The following TLN2 variants were observed in gnomAD, a reference collection of about 807,000 sequenced individuals.
The protein encoded by TLN2 is talin 2, also known as talin-2.
TLN2 carries 118 observed loss-of-function variants against 294.7 expected under a neutral mutation model. The ratio of observed to expected loss-of-function variants is 0.40; its 90% CI spans 0.34 to 0.47. The LOEUF is 0.47. Ranked by LOEUF, TLN2 falls within the 20% of genes least tolerant of loss-of-function variation. The pLI is 0.84. For missense variants in TLN2, 3,083 were observed against 3,282.2 expected (o/e 0.94, Z 1.48); for synonymous variants, 1,431 against 1,304.5 (o/e 1.10, Z -2.09).
At chr15:62,614,051 C>A (rs1195985974) in intron 2 of TLN2, among the ~76,000 whole-genome samples, 1 of 152,088 alleles carries the variant, frequency 6.6e-6, no homozygotes, top group Non-Finnish European at 1.5e-5. Flanking sequence ...TCGTGATTGT[C>A]AGGATTACAG....
intron 1 of TLN2, among the ~76,000 whole-genome samples, chr15:62,509,303 C>G (rs2039805125): frequency 6.6e-6 from 1 of 152,048 alleles, no homozygotes. Flanking sequence ...GAGAAATGAC[C>G]TTTGTATGTT....
chr15:62,476,047 A>G (rs749702765), intron 1 of TLN2, among the ~76,000 whole-genome samples: 11 of 152,158 alleles, frequency 7.2e-5, no homozygotes, highest in Non-Finnish European at 1.3e-4. Context: ...AGTATTTCCA[A>G]GGACCCTTGG....
In TLN2 at chr15:62,800,641, C is replaced by T; in HGVS notation, c.6361-12C>T. On this transcript the variant is annotated splice_polypyrimidine_tract_variant and intron_variant, in intron 49 of 58. Coordinates refer to ENST00000636159, the MANE Select transcript of TLN2 (RefSeq NM_015059.3). ...ACTGCACTATCTGTATTCATTCTCCCTTCCTATGCAGGTGATGGTGACCAA... is the reference window on the plus strand; with the variant it reads ...ACTGCACTATCTGTATTCATTCTCCTTTCCTATGCAGGTGATGGTGACCAA... 3 of 1,613,808 alleles carry T rather than the reference C, an allele frequency of 1.9e-6. No homozygotes were observed. Among genetic ancestry groups the T allele is most frequent in the Non-Finnish European group, 1.7e-6 (2 of 1,179,806 alleles).
Position 62,690,917 on chromosome 15 carries a change from G to A in TLN2, c.1114-1923G>A, listed in dbSNP as rs1428507308. 5.3e-5 allele frequency among the ~76,000 whole-genome samples: 8 copies of A among 151,184 alleles called. No homozygotes were observed. In the South Asian group the frequency reaches 8.4e-4, roughly 16 times the overall value. On this transcript the variant is annotated intron_variant, in intron 12 of 58. Transcript: ENST00000636159. Reference sequence around the variant, plus strand: ...CAATCGCAGGCACTCGGCAGGCTGAGGCAGGAGAATCAGGCAGGGAGGTTG... The same window carrying A: ...CAATCGCAGGCACTCGGCAGGCTGAAGCAGGAGAATCAGGCAGGGAGGTTG...
chr15:62,617,397 C>T (rs1291100503), intron 2 of TLN2, among the ~76,000 whole-genome samples: 1 of 152,204 alleles, frequency 6.6e-6, no homozygotes, highest in Non-Finnish European at 1.5e-5. Context: ...GCATCTCAGT[C>T]TGGCCCAGTG....
At chr15:62,532,940 T>C (rs1407575906) in intron 1 of TLN2, among the ~76,000 whole-genome samples, 5 of 152,058 alleles carry the variant, frequency 3.3e-5, no homozygotes, top group African/African-American at 7.2e-5. Context: ...CAGGAATTCA[T>C]GGGGAAGGGG....
chr15:62,748,491 G>A (rs749099085), intron 33 of TLN2, 47 bp downstream of exon 33: 4 of 1,267,826 alleles, frequency 3.2e-6, no homozygotes, highest in African/African-American at 1.5e-5. Context: ...GGGAGTGTCT[G>A]TGTCTGTGTG....
chr15:62,736,727 A>G, intron 28 of TLN2, 151 bp from the exon 29 acceptor site: 1 of 842,994 alleles, frequency 1.2e-6, no homozygotes, highest in Non-Finnish European at 1.8e-6. Flanking sequence ...GAAGCCAGCT[A>G]CTTCTTTGAG....
At chr15:62,690,938 G>T (rs1290321265) in intron 12 of TLN2, among the ~76,000 whole-genome samples, 1 of 151,188 alleles carries the variant, frequency 6.6e-6, no homozygotes, top group Non-Finnish European at 1.5e-5. Context: ...CAGGCAGGGA[G>T]GTTGCAGTGA....
At chr15:62,470,472 C>T (rs1444077243) in intron 1 of TLN2, among the ~76,000 whole-genome samples, 3 of 152,242 alleles carry the variant, frequency 2.0e-5, no homozygotes, top group African/African-American at 7.2e-5. Context: ...CTCTGGGGTG[C>T]TAGGCTGCCA....
In TLN2 at chr15:62,820,509, G is replaced by A; in HGVS notation, c.6901G>A (p.Asp2301Asn). 2 of 1,613,936 alleles carry A rather than the reference G, an allele frequency of 1.2e-6. No individual in the cohort carries two copies. The highest frequency in any genetic ancestry group is 1.7e-6 in the Non-Finnish European group (2 of 1,179,896). Residue 2301 changes from aspartate to asparagine, a missense_variant, in exon 54 of 59, where the codon GAC becomes AAC. Transcript: ENST00000636159. The part of the protein sequence containing the change: ...MKGTEWVDPE[D>N]PTVIAETELL... ...AGGAACAGAGTGGGTGGATCCAGAA[G>A]ACCCAACTGTCATTGCAGAAACAGA...
intron 54 of TLN2, among the ~76,000 whole-genome samples, chr15:62,824,767 T>C (rs547355358): frequency 4.2e-4 from 64 of 152,344 alleles, no homozygotes; most frequent in African/African-American, 1.4e-3. Flanking sequence ...TTCTGGTACA[T>C]AACAGCCTTC....
chr15:62,666,472 C>T (rs1329535598), intron 9 of TLN2, among the ~76,000 whole-genome samples: 1 of 152,184 alleles, frequency 6.6e-6, no homozygotes, highest in Non-Finnish European at 1.5e-5. Context: ...CTGAACCTGC[C>T]AGTGCCTTGA....
intron 57 of TLN2, 107 bp from the exon 58 acceptor site, chr15:62,838,741 TATAATTGG>T: frequency 7.2e-7 from 1 of 1,387,992 alleles, no homozygotes; most frequent in Admixed American, 2.2e-5. Context: ...AACTTGATGT[TATAATTGG>T]ATAATCAATT....
chr15:62,650,364 C>T (rs575231110), intron 5 of TLN2, among the ~76,000 whole-genome samples, 183 bp downstream of exon 5: 2 of 152,124 alleles, frequency 1.3e-5, no homozygotes, highest in Non-Finnish European at 2.9e-5. Flanking sequence ...CTTGAGATTC[C>T]ATAGAAGGAT....
chr15:62,487,965 C>T (rs914041366), intron 1 of TLN2, among the ~76,000 whole-genome samples: 2 of 151,918 alleles, frequency 1.3e-5, no homozygotes, highest in African/African-American at 4.8e-5. Context: ...GTAGTCCCAA[C>T]TACTCAGGAG....
intron 1 of TLN2, among the ~76,000 whole-genome samples, chr15:62,396,411 C>T (rs779059973): frequency 3.8e-4 from 58 of 152,204 alleles, no homozygotes; most frequent in South Asian, 2.1e-4. Flanking sequence ...TGATGCCTCT[C>T]ATTGTAATCT....
At chr15:62,834,502 C>T (rs1283420240) in intron 55 of TLN2, 2 of 152,246 alleles carry the variant, frequency 1.3e-5, no homozygotes, top group African/African-American at 2.4e-5. Flanking sequence ...GGTTGTGCCT[C>T]ACCATAGGCT....
rs1555466874 is a variant in TLN2, at chr15:62,677,805, A to ATTTTTTTTTTTTT, written c.957+2484_957+2485insTTTTTTTTTTTTT. 7.2e-4 allele frequency among the ~76,000 whole-genome samples: 8 copies of ATTTTTTTTTTTTT among 11,140 alleles called. 1 individual carries two copies. The highest frequency in any genetic ancestry group is 3.1e-3 in the Admixed American group (2 of 636). 7.3% of individuals were successfully genotyped at this position (11,140 alleles called of 152,430 possible). ...ATTAAGAAAGTAGGCAGCACTTGCA[A>ATTTTTTTTTTTTT]CTTTTTTTTTTTTTTTGAGACGGAG... On this transcript the variant is annotated intron_variant, in intron 11 of 58. Coordinates refer to ENST00000636159, the MANE Select transcript of TLN2 (RefSeq NM_015059.3).
Sources: gnomAD v4.1 joint callset for allele counts (sites outside exome capture counted in the v4.1 genomes callset) on GRCh38, gnomAD v4.1.1 for gene constraint, MANE v1.5 for transcripts, NCBI Gene and HGNC (gene_info 2026-07-23, HGNC 2026-07-21) for gene names.